The following NFKB1 variants were observed in gnomAD, a reference collection of about 807,000 sequenced individuals.
NFKB1 encodes nuclear factor kappa B subunit 1.
NFKB1 carries 9 observed loss-of-function variants against 105.1 expected under a neutral mutation model. The observed-to-expected ratio is 0.09, with a 90% confidence interval of 0.05 to 0.15. NFKB1 has a LOEUF of 0.15. NFKB1 is among the 10% of genes least tolerant of loss of function. The pLI is 1.00. For synonymous variants in NFKB1, 440 were observed against 442.2 expected (o/e 1.00, Z 0.06); for missense variants, 830 against 1,203.7 (o/e 0.69, Z 4.59).
chr4:102,561,250 C>CTCTT (rs1396824770), intron 5 of NFKB1, among the ~76,000 whole-genome samples: 7 of 141,638 alleles, frequency 4.9e-5, no homozygotes, highest in East Asian at 4.2e-4. Context: ...TAGCGTTATT[C>CTCTT]TCTTTCTTTC....
At chr4:102,528,362 T>C (rs111554351) in intron 2 of NFKB1, among the ~76,000 whole-genome samples, 2 of 152,322 alleles carry the variant, frequency 1.3e-5, no homozygotes, top group African/African-American at 4.8e-5. Context: ...GCTTTTAATC[T>C]TATAAGCATT....
intron 19 of NFKB1, 87 bp downstream of exon 19, chr4:102,607,838 T>C: frequency 8.8e-7 from 1 of 1,133,504 alleles, no homozygotes; most frequent in Non-Finnish European, 1.3e-6. Flanking sequence ...TTGCCTTCTT[T>C]AAGCCACAGA....
Position 102,584,583 on chromosome 4 carries a change from A to G in NFKB1, c.928-99A>G, listed in dbSNP as rs1233273857. On this transcript the variant is annotated intron_variant, in intron 10 of 23. Coordinates refer to ENST00000226574, the MANE Select transcript of NFKB1 (RefSeq NM_003998.4). The stretch of plus-strand genomic sequence containing the variant: ...AGTACACTGTGTCTAAACATTGGGT[A>G]TAAAGAAAAGCATAAGGAATGTGTT... 4 of 1,231,906 alleles carry G rather than the reference A, an allele frequency of 3.2e-6. No individual in the cohort carries two copies. In the African/African-American group the frequency reaches 6.2e-5, roughly 19 times the overall value. 76.3% of individuals were successfully genotyped at this position (1,231,906 alleles called of 1,614,324 possible).
chr4:102,557,819 G>A lies in NFKB1; in HGVS notation c.259-9168G>A, dbSNP rs544212124. The stretch of plus-strand genomic sequence containing the variant: ...CTTAGTTTTCGAAGGATGATTATTC[G>A]AGAGTTGCCCTCCCTTCACTTTCTC... On this transcript the variant is annotated intron_variant, in intron 5 of 23. Coordinates refer to ENST00000226574, the MANE Select transcript of NFKB1 (RefSeq NM_003998.4). 1.7e-4 allele frequency among the ~76,000 whole-genome samples: 26 copies of A among 152,176 alleles called. 1 individual carries two copies. Among genetic ancestry groups the A allele is most frequent in the Admixed American group, 5.2e-4 (8 of 15,286 alleles).
At chr4:102,599,923 C>T (rs1578814784) in intron 15 of NFKB1, among the ~76,000 whole-genome samples, 2 of 152,234 alleles carry the variant, frequency 1.3e-5, no homozygotes, top group African/African-American at 2.4e-5. Context: ...AAAAGAATTA[C>T]GCTCCTGTGA....
chr4:102,514,174 CAA>C (rs1001257754), intron 1 of NFKB1, among the ~76,000 whole-genome samples: 1 of 136,532 alleles, frequency 7.3e-6, no homozygotes. Flanking sequence ...GACTCCATCT[CAA>C]AAAAAAAAAG....
At chr4:102,564,317 C>G (rs1446715426) in intron 5 of NFKB1, among the ~76,000 whole-genome samples, 4 of 152,236 alleles carry the variant, frequency 2.6e-5, no homozygotes, top group Admixed American at 6.5e-5. Context: ...TCTCCGTCAT[C>G]ATGACATCCT....
intron 19 of NFKB1, among the ~76,000 whole-genome samples, chr4:102,610,337 C>T (rs1292341936): frequency 2.0e-5 from 3 of 152,068 alleles, no homozygotes; most frequent in Admixed American, 2.0e-4. Context: ...GTCTTTTTTT[C>T]TTCAATAGTA....
At chr4:102,602,622 C>G (rs1340898423) in intron 16 of NFKB1, among the ~76,000 whole-genome samples, 1 of 151,658 alleles carries the variant, frequency 6.6e-6, no homozygotes, top group Non-Finnish European at 1.5e-5. Flanking sequence ...ATAGTTTTTA[C>G]CTGTGACTAG....
intron 1 of NFKB1, among the ~76,000 whole-genome samples, chr4:102,504,094 A>G (rs990728922): frequency 2.0e-5 from 3 of 152,206 alleles, no homozygotes; most frequent in Admixed American, 1.3e-4. Flanking sequence ...GTTACTTCAT[A>G]ACCTTCAATT....
At chr4:102,531,699 T>G (rs1253371009) in intron 3 of NFKB1, among the ~76,000 whole-genome samples, 1 of 152,040 alleles carries the variant, frequency 6.6e-6, no homozygotes, top group Non-Finnish European at 1.5e-5. Context: ...AATCTAATTT[T>G]CTAGTTGATT....
At chr4:102,518,987 A>C (rs1740387710) in intron 1 of NFKB1, among the ~76,000 whole-genome samples, 1 of 152,194 alleles carries the variant, frequency 6.6e-6, no homozygotes, top group South Asian at 2.1e-4. Flanking sequence ...AGGTCTGCCA[A>C]GACTCAAAGC....
At chr4:102,596,427 A>T (rs1419432887) in intron 14 of NFKB1, 95 bp downstream of exon 14, 4 of 995,438 alleles carry the variant, frequency 4.0e-6, no homozygotes, top group Non-Finnish European at 5.6e-6. Context: ...ATGATATATC[A>T]ATATCTAGTT....
chr4:102,511,642 G>T (rs1406189801), intron 1 of NFKB1, among the ~76,000 whole-genome samples: 2 of 151,928 alleles, frequency 1.3e-5, no homozygotes, highest in East Asian at 3.9e-4. Flanking sequence ...TGCCACTGCA[G>T]TCCAGTCTAG....
At chr4:102,529,968 T>C (rs1741180511) in intron 3 of NFKB1, 54 bp downstream of exon 3, 1 of 1,320,444 alleles carries the variant, frequency 7.6e-7, no homozygotes, top group Non-Finnish European at 1.1e-6. Flanking sequence ...CTTAGTAAAA[T>C]GCAGGATTTG....
intron 1 of NFKB1, among the ~76,000 whole-genome samples, chr4:102,515,006 A>G (rs1740036503): frequency 6.6e-6 from 1 of 151,984 alleles, no homozygotes; most frequent in Admixed American, 6.5e-5. Context: ...AATTCTTATG[A>G]AAAGCGTATA....
At chr4:102,519,269 A>G (rs909921715) in intron 1 of NFKB1, among the ~76,000 whole-genome samples, 5 of 148,154 alleles carry the variant, frequency 3.4e-5, no homozygotes, top group Middle Eastern at 3.6e-3. Flanking sequence ...AAGTATATAC[A>G]CATATAGTTT....
At chr4:102,576,806 C>T in intron 6 of NFKB1, 70 bp from the exon 7 acceptor site, 1 of 1,479,626 alleles carries the variant, frequency 6.8e-7, no homozygotes, top group Non-Finnish European at 9.1e-7. Flanking sequence ...CAAGTGAAGC[C>T]AGATTCCCTA....
intron 7 of NFKB1, 124 bp from the exon 8 acceptor site, chr4:102,578,757 G>C (rs1358586468): frequency 3.2e-6 from 3 of 925,542 alleles, no homozygotes; most frequent in Non-Finnish European, 4.8e-6. Flanking sequence ...GCAATATGAA[G>C]AGTTTCAAAA....
Sources: gnomAD v4.1 joint callset for allele counts (sites outside exome capture counted in the v4.1 genomes callset) on GRCh38, gnomAD v4.1.1 for gene constraint, MANE v1.5 for transcripts, NCBI Gene and HGNC (gene_info 2026-07-23, HGNC 2026-07-21) for gene names.